Variants in DMD observed in about 807,000 individuals in gnomAD.
The protein encoded by DMD is mutant dystrophin.
A neutral mutation model predicts 330.1 loss-of-function variants in DMD; 63 were observed. The ratio of observed to expected loss-of-function variants is 0.19; its 90% CI spans 0.16 to 0.24. The LOEUF is 0.24. Ranked by LOEUF, DMD falls within the 10% of genes least tolerant of loss-of-function variation. The pLI, the probability that DMD is intolerant of heterozygous loss-of-function variation, is 1.00. For missense variants in DMD, 3,344 were observed against 2,684.1 expected, an observed-to-expected ratio of 1.25 and a Z score of -5.43; for synonymous variants, 1,223 against 959.8, an observed-to-expected ratio of 1.27 and a Z score of -5.07.
At chrX:33,254,505 C>A (rs1303674248) in intron 1 of DMD, among the ~76,000 whole-genome samples, 1 of 110,031 alleles carries the variant, frequency 9.1e-6, no homozygotes, top group Non-Finnish European at 1.9e-5. Context: ...TTAGGCTTTT[C>A]CCCCTATATT....
At chrX:32,501,158 T>C (rs2044013720) in intron 19 of DMD, among the ~76,000 whole-genome samples, 1 of 111,914 alleles carries the variant, frequency 8.9e-6, no homozygotes, top group African/African-American at 3.2e-5. Context: ...AAAAGATTAA[T>C]TTTAATTTAT....
At chrX:32,193,612 T>A (rs1940423936) in intron 44 of DMD, among the ~76,000 whole-genome samples, 2 of 111,066 alleles carry the variant, frequency 1.8e-5, no homozygotes, top group Admixed American at 1.9e-4. Context: ...TTAGAATGTT[T>A]CCCCCAAAAA....
intron 48 of DMD, among the ~76,000 whole-genome samples, chrX:31,855,788 G>C (rs1176055567): frequency 9.0e-6 from 1 of 110,903 alleles, no homozygotes; most frequent in Non-Finnish European, 1.9e-5. Flanking sequence ...TCCTAAACAT[G>C]TACAGGAAAC....
chrX:32,038,399 A>G (rs548805367), intron 44 of DMD, among the ~76,000 whole-genome samples: 3 of 111,895 alleles, frequency 2.7e-5, no homozygotes, highest in Middle Eastern at 9.1e-3. Context: ...TCAGGAAAAC[A>G]GGAGTTGGCG....
At chrX:33,002,850 G>GAAAAAAAAAAAAAAAAAAAAAAAAAAAAA (rs145168802) in intron 2 of DMD, among the ~76,000 whole-genome samples, 1 of 38,757 alleles carries the variant, frequency 2.6e-5, no homozygotes, top group Non-Finnish European at 4.3e-5. Context: ...TTTTTTTCTC[G>GAAAAAAAAAAAAAAAAAAAAAAAAAAAAA]AAAAAAAAAA....
rs185970834 is a variant in DMD, at chrX:32,156,888, G to T, written c.6438+60028C>A. On this transcript the variant is annotated intron_variant, in intron 44 of 78. Coordinates refer to ENST00000357033, the MANE Select transcript of DMD (RefSeq NM_004006.3). ...GTTAATTCCTGAAGCTAGAGGAAAAGGTTCCAAAGTGCCCTACATCCCAAG... is the reference window on the plus strand; with the variant it reads ...GTTAATTCCTGAAGCTAGAGGAAAATGTTCCAAAGTGCCCTACATCCCAAG... 2.7e-5 allele frequency among the ~76,000 whole-genome samples: 3 copies of T among 111,396 alleles called. No homozygotes were observed. The East Asian group carries it at 8.5e-4, about 32-fold the overall frequency.
At chrX:32,830,661 GTT>G (rs1409388083) in intron 4 of DMD, among the ~76,000 whole-genome samples, 1 of 111,880 alleles carries the variant, frequency 8.9e-6, no homozygotes, top group Non-Finnish European at 1.9e-5. Flanking sequence ...GCAGAAATAA[GTT>G]AAACTACGCA....
intron 44 of DMD, among the ~76,000 whole-genome samples, chrX:32,190,998 G>A (rs902437913): frequency 4.5e-5 from 5 of 110,244 alleles, no homozygotes; most frequent in Non-Finnish European, 5.7e-5. Context: ...GGACTTTAAG[G>A]CCACCTCTCC....
chrX:32,308,035 C>A (rs1205918039), intron 42 of DMD, among the ~76,000 whole-genome samples: 1 of 109,664 alleles, frequency 9.1e-6, no homozygotes, highest in Non-Finnish European at 1.9e-5. Flanking sequence ...CTAGCTCTGC[C>A]TTAGCTAGTG....
chrX:31,190,104 A>G lies in DMD; in HGVS notation c.9808-7200T>C, dbSNP rs150733236. Among the ~76,000 whole-genome samples the G allele has an allele frequency of 5.5e-3, 621 of 112,289 alleles. 1 individual carries two copies. Among genetic ancestry groups the G allele is most frequent in the African/African-American group, 0.019 (589 of 30,914 alleles). ...GGTCGGTGGTTCTCAACCGGAAATG[A>G]TGCCGTACCCCAGAGGAAATATAAC... On this transcript the variant is annotated intron_variant, in intron 67 of 78. Coordinates refer to ENST00000357033, the MANE Select transcript of DMD (RefSeq NM_004006.3).
At chrX:31,380,173 C>G (rs922662818) in intron 60 of DMD, among the ~76,000 whole-genome samples, 4 of 110,878 alleles carry the variant, frequency 3.6e-5, no homozygotes, top group Non-Finnish European at 7.6e-5. Flanking sequence ...TTCTAAACCT[C>G]TTAAAACTCC....
chrX:32,574,573 G>T (rs138325477), intron 13 of DMD, among the ~76,000 whole-genome samples: 3,680 of 111,523 alleles, frequency 0.033, 139 homozygotes, highest in African/African-American at 0.11. Context: ...CAAAATGGCA[G>T]TTAGCTCAAC....
In DMD at chrX:33,126,847, T is replaced by C. The variant is rs201390948; in HGVS notation, c.31+84435A>G. 9.0e-5 allele frequency among the ~76,000 whole-genome samples: 10 copies of C among 111,576 alleles called. No individual in the cohort carries two copies. The East Asian group carries it at 2.8e-3, about 31-fold the overall frequency. ...ATGAAATGTCAGGCAAGACAGGGCTTAGCTATATTCGGCTCAGCTTGAACT... is the reference window on the plus strand; with the variant it reads ...ATGAAATGTCAGGCAAGACAGGGCTCAGCTATATTCGGCTCAGCTTGAACT... On this transcript the variant is annotated intron_variant, in intron 1 of 78. Coordinates refer to ENST00000357033, the MANE Select transcript of DMD (RefSeq NM_004006.3).
In DMD at chrX:31,709,722, A is replaced by C. The variant is rs183576989; in HGVS notation, c.7660+19909T>G. 4.1e-3 allele frequency among the ~76,000 whole-genome samples: 448 copies of C among 110,553 alleles called. 2 individuals are homozygous for C. Among genetic ancestry groups the C allele is most frequent in the Non-Finnish European group, 5.5e-3 (290 of 52,852 alleles). On this transcript the variant is annotated intron_variant, in intron 52 of 78. Transcript: ENST00000357033. ...CTTTACATTTTTAAACTATATTTTA[A>C]GAGTGCACATATTTCTTAAGAGTTC...
chrX:32,668,633 C>T lies in DMD; in HGVS notation c.961-23481G>A, dbSNP rs186723820. ...GCAGCAAGTGTTTTAAAACAAAATGCCGCCTGATACTTATTTTATCATGTT... is the reference window on the plus strand; with the variant it reads ...GCAGCAAGTGTTTTAAAACAAAATGTCGCCTGATACTTATTTTATCATGTT... On this transcript the variant is annotated intron_variant, in intron 9 of 78. Transcript: ENST00000357033. Among the ~76,000 whole-genome samples, 3 of 111,577 alleles carry T rather than the reference C, an allele frequency of 2.7e-5. No homozygotes were observed. The East Asian group carries it at 8.5e-4, about 31-fold the overall frequency.
chrX:31,747,977 T>C (rs1188063244), intron 51 of DMD, among the ~76,000 whole-genome samples: 2 of 111,929 alleles, frequency 1.8e-5, no homozygotes, highest in Non-Finnish European at 3.8e-5. Flanking sequence ...GTGAGCAAAA[T>C]TGCTTATTCT....
At chrX:32,235,876 T>C (rs2097185900) in intron 43 of DMD, among the ~76,000 whole-genome samples, 1 of 111,221 alleles carries the variant, frequency 9.0e-6, no homozygotes, top group Non-Finnish European at 1.9e-5. Flanking sequence ...TGTCATTGTA[T>C]TAAAAAATAA....
rs377025538 is a variant in DMD at position 32,844,742 on chromosome X, C to T, written c.264+41G>A. On this transcript the variant is annotated intron_variant, in intron 4 of 78. Transcript: ENST00000357033. The stretch of plus-strand genomic sequence containing the variant: ...AGCCCTCACTCAAACATGAAGCATG[C>T]TGTGTCACAGCATCCAGACCTTGTC... 3 of 1,095,988 alleles carry T rather than the reference C, an allele frequency of 2.7e-6. No individual in the cohort carries two copies. The African/African-American group carries it at 5.5e-5, about 20-fold the overall frequency. The allele number at this position is 1,095,988 out of a possible 1,213,427, so 90.3% of individuals were successfully genotyped here. A position where few individuals can be genotyped will look rare whatever the true frequency, so the allele number is the denominator to read the frequency against.
Position 32,252,633 on chromosome X carries a change from TATATAA to T in DMD, c.6290+34890_6290+34895del, listed in dbSNP as rs1323142825. Among the ~76,000 whole-genome samples, 30 of 76,114 alleles carry T rather than the reference TATATAA, an allele frequency of 3.9e-4. 1 individual carries two copies. Among genetic ancestry groups the T allele is most frequent in the African/African-American group, 1.5e-3 (26 of 17,311 alleles). 66.1% of individuals were successfully genotyped at this position (76,114 alleles called of 115,157 possible). A position where few individuals can be genotyped will look rare whatever the true frequency, so the allele number is the denominator to read the frequency against. On this transcript the variant is annotated intron_variant, in intron 43 of 78. Transcript: ENST00000357033. ...ATAAATAAATATATAAATATGTGTA[TATATAA>T]ATATATATAAATACAAATATATAAA... is the stretch of plus-strand genomic sequence containing the variant.
Sources: gnomAD v4.1 joint callset for allele counts (sites outside exome capture counted in the v4.1 genomes callset) on GRCh38, gnomAD v4.1.1 for gene constraint, MANE v1.5 for transcripts, NCBI Gene and HGNC (gene_info 2026-07-23, HGNC 2026-07-21) for gene names.